KCNMB4: variants seen among roughly 807,000 people sequenced by gnomAD.
The protein encoded by KCNMB4 is calcium-activated potassium channel subunit beta-4.
In KCNMB4, 3 loss-of-function variants were observed where a neutral mutation model predicts 20.7. The observed-to-expected ratio is 0.14, with a 90% CI of 0.07 to 0.37. The LOEUF (loss-of-function observed/expected upper bound fraction) is 0.37, where lower values mean the gene tolerates loss of function less well. KCNMB4 is among the 10% of genes least tolerant of loss of function. The pLI is 1.00. For missense variants in KCNMB4, 168 were observed against 265.9 expected, an observed-to-expected ratio of 0.63 and a Z score of 2.56; for synonymous variants, 110 against 113.4, an observed-to-expected ratio of 0.97 and a Z score of 0.19.
chr12:70,427,107 T>C (rs1869235568), intron 2 of KCNMB4, among the ~76,000 whole-genome samples: 1 of 152,242 alleles, frequency 6.6e-6, no homozygotes, highest in African/African-American at 2.4e-5. Context: ...TTATCCAGTT[T>C]GCCACATGTG....
At chr12:70,406,100 A>C (rs927399901) in intron 2 of KCNMB4, among the ~76,000 whole-genome samples, 1 of 151,962 alleles carries the variant, frequency 6.6e-6, no homozygotes, top group Non-Finnish European at 1.5e-5. Flanking sequence ...AAAAAAGTGG[A>C]ATGGTGGTAG....
intron 1 of KCNMB4, among the ~76,000 whole-genome samples, chr12:70,384,873 C>CAAAAAAAAAAAAAAAAAAAAA (rs57306622): frequency 1.3e-5 from 1 of 74,322 alleles, no homozygotes; most frequent in African/African-American, 5.2e-5. Flanking sequence ...GACCCTGTCT[C>CAAAAAAAAAAAAAAAAAAAAA]AAAAAAAAAA....
At position 70,428,104 on chromosome 12, in the gene KCNMB4, G is replaced by A. The variant is rs544588078; in HGVS notation, c.465-2381G>A. ...CTTGATCGTGGCTCACTGCAGCCTC[G>A]ACCTCCTGGGCTCGAGAGATCTCCC... On this transcript the variant is annotated intron_variant, in intron 2 of 2. Coordinates refer to ENST00000258111, the MANE Select transcript of KCNMB4 (RefSeq NM_014505.6). Among the ~76,000 whole-genome samples, 132 of 151,526 alleles carry A rather than the reference G, an allele frequency of 8.7e-4. 2 individuals carry two copies. The South Asian group carries it at 0.012, about 13-fold the overall frequency.
chr12:70,422,562 T>C (rs977810619), intron 2 of KCNMB4: 7 of 471,726 alleles, frequency 1.5e-5, no homozygotes, highest in Non-Finnish European at 2.5e-5. Flanking sequence ...AAATTCTCTT[T>C]CTGTTGTATT....
intron 2 of KCNMB4, among the ~76,000 whole-genome samples, chr12:70,402,858 C>A (rs181948612): frequency 9.1e-4 from 138 of 152,220 alleles, no homozygotes; most frequent in Non-Finnish European, 1.6e-3. Context: ...CCAGATGCAG[C>A]AGTGTCCAAA....
chr12:70,371,062 G>A (rs1292431461), intron 1 of KCNMB4, among the ~76,000 whole-genome samples: 1 of 151,824 alleles, frequency 6.6e-6, no homozygotes, highest in Non-Finnish European at 1.5e-5. Flanking sequence ...TCACTATGTT[G>A]GCCAGGCGGG....
chr12:70,429,592 A>G (rs1485972359), intron 2 of KCNMB4, among the ~76,000 whole-genome samples: 1 of 150,484 alleles, frequency 6.6e-6, no homozygotes, highest in Non-Finnish European at 1.5e-5. Context: ...GCATGAACCC[A>G]GGAGGCGGAG....
At chr12:70,422,860 C>T in intron 2 of KCNMB4, 1 of 1,194,084 alleles carries the variant, frequency 8.4e-7, no homozygotes, top group Non-Finnish European at 1.1e-6. Flanking sequence ...GTGAGTAAAA[C>T]CTTTTAAAAA....
intron 2 of KCNMB4, among the ~76,000 whole-genome samples, chr12:70,426,852 G>C (rs993513952): frequency 4.6e-5 from 7 of 152,150 alleles, no homozygotes; most frequent in African/African-American, 1.7e-4. Flanking sequence ...TTCAAACCTT[G>C]ACTCAGGGTA....
At chr12:70,430,038 C>CTTTTTT (rs66539156) in intron 2 of KCNMB4, among the ~76,000 whole-genome samples, 3 of 147,054 alleles carry the variant, frequency 2.0e-5, no homozygotes, top group Non-Finnish European at 3.0e-5. Flanking sequence ...TTTAACTGAC[C>CTTTTTT]TTTTTTTTTT....
intron 2 of KCNMB4, among the ~76,000 whole-genome samples, chr12:70,425,710 C>G (rs1156706037): frequency 4.6e-5 from 7 of 152,160 alleles, no homozygotes. Flanking sequence ...TGTGCCACCT[C>G]CATGTTAGGA....
rs1411862145 is a variant in KCNMB4, at chr12:70,385,825, A to G, written c.337-14384A>G. On this transcript the variant is annotated intron_variant, in intron 1 of 2. Transcript: ENST00000258111. Reference sequence around the variant, plus strand: ...GGATAATATAAACTTCCCAAATAAAACAATCTATAGAGATTTCTAAAAAAT... The same window carrying G: ...GGATAATATAAACTTCCCAAATAAAGCAATCTATAGAGATTTCTAAAAAAT... Among the ~76,000 whole-genome samples the G allele has an allele frequency of 2.0e-5, 3 of 152,226 alleles. No homozygotes were observed. The East Asian group carries it at 5.8e-4, about 29-fold the overall frequency.
chr12:70,422,532 A>G (rs530331249), intron 2 of KCNMB4, among the ~76,000 whole-genome samples: 1 of 152,378 alleles, frequency 6.6e-6, no homozygotes, highest in African/African-American at 2.4e-5. Context: ...CTGATCTTAG[A>G]GAATATCTAA....
rs1459263093 is a variant in KCNMB4, at chr12:70,430,467, T to TTCTC, written c.465-17_465-14dup. ...GCATTTGACTGCCCTTTCTTTCTTA[T>TTCTC]TCTCCATTGTCTTGCAGACCAGATG... On this transcript the variant is annotated splice_polypyrimidine_tract_variant and intron_variant, in intron 2 of 2. Coordinates refer to ENST00000258111, the MANE Select transcript of KCNMB4 (RefSeq NM_014505.6). 1 of 1,612,156 alleles carries TTCTC rather than the reference T, an allele frequency of 6.2e-7. No individual in the cohort carries two copies. The highest frequency in any genetic ancestry group is 1.1e-5 in the South Asian group (1 of 90,434).
At chr12:70,411,807 C>T (rs1868785935) in intron 2 of KCNMB4, among the ~76,000 whole-genome samples, 1 of 152,040 alleles carries the variant, frequency 6.6e-6, no homozygotes, top group African/African-American at 2.4e-5. Context: ...GGTAGATGAA[C>T]TGAAGAGGTT....
intron 2 of KCNMB4, 40 bp from the exon 3 acceptor site, chr12:70,430,445 T>G (rs762201499): frequency 1.9e-6 from 3 of 1,608,018 alleles, no homozygotes; most frequent in South Asian, 2.2e-5. Flanking sequence ...TGCCAAGGCA[T>G]TTGACTGCCC....
At chr12:70,423,643 A>T (rs748493459) in intron 2 of KCNMB4, among the ~76,000 whole-genome samples, 2 of 151,968 alleles carry the variant, frequency 1.3e-5, no homozygotes, top group Non-Finnish European at 2.9e-5. Flanking sequence ...ACGCCCATCG[A>T]ATTTTTTTAT....
chr12:70,366,540 TGCC>T lies in KCNMB4; in HGVS notation c.-181_-179del, dbSNP rs949373201. On this transcript the variant is annotated 5_prime_UTR_variant, in exon 1 of 3. Transcript: ENST00000258111. ...CGGCGGCTGGGGGGCTGGGGGGCGCTGCCGCCGCCGCCGCCGGGGGCGTCGCTG... is the reference window on the plus strand; with the variant it reads ...CGGCGGCTGGGGGGCTGGGGGGCGCTGCCGCCGCCGCCGGGGGCGTCGCTG... 56 of 161,240 alleles carry T rather than the reference TGCC, an allele frequency of 3.5e-4. No homozygotes were observed. The highest frequency in any genetic ancestry group is 5.8e-4 in the Non-Finnish European group (46 of 79,210). The allele number at this position is 161,240 out of a possible 1,614,324, so 10.0% of individuals were successfully genotyped here.
rs565016565 is a variant in KCNMB4, at chr12:70,432,388, T to G, written c.*1735T>G. The stretch of plus-strand genomic sequence containing the variant: ...GGTGTTGAATTGAGTATAATCTTCT[T>G]CTGTTTATTTTTGTGTTTTGTTTTT... On this transcript the variant is annotated 3_prime_UTR_variant, in exon 3 of 3. Coordinates refer to ENST00000258111, the MANE Select transcript of KCNMB4 (RefSeq NM_014505.6). The G allele has an allele frequency of 6.6e-6, 1 of 152,168 alleles. No homozygotes were observed. The highest frequency in any genetic ancestry group is 1.5e-5 in the Non-Finnish European group (1 of 68,058). 9.4% of individuals were successfully genotyped at this position (152,168 alleles called of 1,614,324 possible).
Sources: gnomAD v4.1 joint callset for allele counts (sites outside exome capture counted in the v4.1 genomes callset) on GRCh38, gnomAD v4.1.1 for gene constraint, MANE v1.5 for transcripts, NCBI Gene and HGNC (gene_info 2026-07-23, HGNC 2026-07-21) for gene names.